LYPD6B: variants seen among roughly 807,000 people sequenced by gnomAD.
The protein encoded by LYPD6B is LY6/PLAUR domain containing 6B.
Under a neutral mutation model 22.8 loss-of-function variants are expected in LYPD6B, and 17 were observed. The ratio of observed to expected loss-of-function variants is 0.75; its 90% CI spans 0.51 to 1.12. LYPD6B has a LOEUF of 1.12. LYPD6B is among the 50% of genes most tolerant of loss of function. LYPD6B has a pLI of 0.00. For synonymous variants in LYPD6B, 106 were observed against 91.6 expected (o/e 1.16, Z -0.90); for missense variants, 221 against 258.3 (o/e 0.86, Z 0.99).
intron 1 of LYPD6B, among the ~76,000 whole-genome samples, chr2:149,113,009 G>C (rs1214938017): frequency 6.6e-5 from 10 of 152,104 alleles, no homozygotes; most frequent in Admixed American, 5.9e-4. Flanking sequence ...GCAGATAGAA[G>C]GTATGGTAGG....
At chr2:149,121,137 A>G (rs1463326333) in intron 1 of LYPD6B, among the ~76,000 whole-genome samples, 11 of 152,158 alleles carry the variant, frequency 7.2e-5, no homozygotes, top group Admixed American at 4.6e-4. Context: ...CATTAAGTTG[A>G]TATGTCATAA....
chr2:149,153,167 C>T (rs913604085), intron 2 of LYPD6B, among the ~76,000 whole-genome samples: 9 of 152,118 alleles, frequency 5.9e-5, no homozygotes, highest in Non-Finnish European at 8.8e-5. Context: ...ACAAGGCACA[C>T]GGGTTGAGAT....
At chr2:149,109,958 A>G (rs138478830) in intron 1 of LYPD6B, among the ~76,000 whole-genome samples, 291 of 152,142 alleles carry the variant, frequency 1.9e-3, no homozygotes, top group African/African-American at 6.8e-3. Flanking sequence ...TTATACACCC[A>G]TCTCGGCCTC....
intron 1 of LYPD6B, among the ~76,000 whole-genome samples, chr2:149,055,859 A>C (rs1360110643): frequency 6.6e-6 from 1 of 152,166 alleles, no homozygotes; most frequent in Non-Finnish European, 1.5e-5. Context: ...AATGCCTTTT[A>C]TTTCTTTTCC....
intron 1 of LYPD6B, among the ~76,000 whole-genome samples, chr2:149,082,801 T>C (rs902975301): frequency 6.6e-6 from 1 of 152,172 alleles, no homozygotes; most frequent in African/African-American, 2.4e-5. Context: ...TGGACTTCCA[T>C]TGTGTGGTTA....
intron 1 of LYPD6B, among the ~76,000 whole-genome samples, chr2:149,116,970 C>G (rs1047320223): frequency 6.6e-6 from 1 of 152,104 alleles, no homozygotes; most frequent in Admixed American, 6.5e-5. Context: ...TTTGCAGAAT[C>G]CCCGTCTTCC....
intron 1 of LYPD6B, among the ~76,000 whole-genome samples, chr2:149,109,614 C>T (rs1363601057): frequency 6.6e-6 from 1 of 152,054 alleles, no homozygotes; most frequent in Admixed American, 6.6e-5. Context: ...TTCTGTTCCC[C>T]GTTCTCAGTT....
chr2:149,198,022 T>A (rs1050174260), intron 3 of LYPD6B, among the ~76,000 whole-genome samples: 1 of 150,702 alleles, frequency 6.6e-6, no homozygotes, highest in African/African-American at 2.4e-5. Flanking sequence ...TTCCTAAACA[T>A]CTAAGCTTTT....
chr2:149,087,406 A>G (rs1339703370), intron 1 of LYPD6B, among the ~76,000 whole-genome samples: 6 of 152,108 alleles, frequency 3.9e-5, no homozygotes, highest in African/African-American at 1.4e-4. Context: ...ATATTCTTTA[A>G]TAGTTGTAAT....
At chr2:149,110,795 A>C (rs979972142) in intron 1 of LYPD6B, among the ~76,000 whole-genome samples, 1 of 152,216 alleles carries the variant, frequency 6.6e-6, no homozygotes, top group African/African-American at 2.4e-5. Context: ...AAGAGTTTAT[A>C]TTCTATGTCT....
chr2:149,130,284 A>G (rs997013753), intron 1 of LYPD6B, among the ~76,000 whole-genome samples: 13 of 152,146 alleles, frequency 8.5e-5, no homozygotes, highest in African/African-American at 2.9e-4. Context: ...ATTCTAGGGG[A>G]AAAAGCTCTT....
chr2:149,060,223 C>T (rs1173183023), intron 1 of LYPD6B, among the ~76,000 whole-genome samples: 1 of 152,168 alleles, frequency 6.6e-6, no homozygotes, highest in African/African-American at 2.4e-5. Flanking sequence ...CAAGCAACAG[C>T]TCCAGGTCCA....
At chr2:149,106,978 A>G (rs1265720641) in intron 1 of LYPD6B, among the ~76,000 whole-genome samples, 1 of 152,114 alleles carries the variant, frequency 6.6e-6, no homozygotes, top group African/African-American at 2.4e-5. Flanking sequence ...AACCATGGAT[A>G]GTGCGGAACC....
chr2:149,142,083 A>G (rs1170830070), intron 2 of LYPD6B: 1 of 152,194 alleles, frequency 6.6e-6, no homozygotes, highest in East Asian at 1.9e-4. Context: ...AACCCTGCCC[A>G]TGCTGCATAT....
chr2:149,174,223 A>C (rs542178059), intron 3 of LYPD6B, among the ~76,000 whole-genome samples: 1 of 152,186 alleles, frequency 6.6e-6, no homozygotes, highest in Non-Finnish European at 1.5e-5. Flanking sequence ...TGCTTTTTGC[A>C]CATTGATTTT....
intron 3 of LYPD6B, chr2:149,187,367 G>A: frequency 1.4e-6 from 2 of 1,415,626 alleles, no homozygotes; most frequent in East Asian, 5.6e-5. Flanking sequence ...TCATTTCTGA[G>A]CCTGCTCTGC....
chr2:149,172,698 T>G lies in LYPD6B; in HGVS notation c.77+11863T>G, dbSNP rs148186273. 5.9e-4 allele frequency among the ~76,000 whole-genome samples: 90 copies of G among 152,272 alleles called. 1 individual carries two copies. Among genetic ancestry groups the G allele is most frequent in the African/African-American group, 2.0e-3 (83 of 41,560 alleles). The stretch of plus-strand genomic sequence containing the variant: ...TAGAAGAGATGAGCTAAACTTTAAT[T>G]GGTAGATGGCCCTCTTCTATGTAGG... On this transcript the variant is annotated intron_variant, in intron 3 of 6. Coordinates refer to ENST00000409642, the MANE Select transcript of LYPD6B (RefSeq NM_177964.5).
chr2:149,160,841 A>G lies in LYPD6B; in HGVS notation c.77+6A>G, dbSNP rs766540590. 1 of 1,548,986 alleles carries G rather than the reference A, an allele frequency of 6.5e-7. No homozygotes were observed. Among genetic ancestry groups the G allele is most frequent in the Middle Eastern group, 1.7e-4 (1 of 5,994 alleles). On this transcript the variant is annotated splice_donor_region_variant and intron_variant, in intron 3 of 6. Transcript: ENST00000409642. The stretch of plus-strand genomic sequence containing the variant: ...ACCACATTCTCCTTCTCAAGGTAAG[A>G]ATGGCAGCTGTTACAACAGCCCTCG...
At chr2:149,163,604 T>C (rs1690228982) in intron 3 of LYPD6B, among the ~76,000 whole-genome samples, 1 of 152,202 alleles carries the variant, frequency 6.6e-6, no homozygotes, top group Non-Finnish European at 1.5e-5. Context: ...CCAGATCCTC[T>C]CATCATATAT....
Sources: allele counts gnomAD v4.1 joint callset (sites outside exome capture counted in the v4.1 genomes callset), GRCh38; gene constraint gnomAD v4.1.1; transcripts MANE v1.5; gene names NCBI Gene and HGNC (gene_info 2026-07-23, HGNC 2026-07-21).